The following KCNIP4 variants were observed in gnomAD, a reference collection of about 807,000 sequenced individuals.
KCNIP4 encodes Kv channel-interacting protein 4.
In KCNIP4, 12 loss-of-function variants were observed where a neutral mutation model predicts 34.0. The ratio of observed to expected loss-of-function variants is 0.35; its 90% CI spans 0.23 to 0.57. The LOEUF (loss-of-function observed/expected upper bound fraction) is 0.57. Among genes scored for constraint, KCNIP4 ranks in the 20% least tolerant of loss-of-function variants. The probability of loss-of-function intolerance (pLI) is 0.83; values close to 1 mark genes in which losing one functional copy is unlikely to be tolerated. For missense variants in KCNIP4, 238 were observed against 311.7 expected (o/e 0.76, Z 1.78); for synonymous variants, 124 against 102.2 (o/e 1.21, Z -1.29).
At chr4:21,524,490 T>C (rs1381293596) in intron 1 of KCNIP4, among the ~76,000 whole-genome samples, 2 of 152,188 alleles carry the variant, frequency 1.3e-5, no homozygotes, top group African/African-American at 2.4e-5. Context: ...ACTATGACTT[T>C]TTTTTCTTAT....
chr4:20,743,084 T>C (rs1236993250), intron 5 of KCNIP4, among the ~76,000 whole-genome samples: 1 of 141,384 alleles, frequency 7.1e-6, no homozygotes, highest in African/African-American at 2.7e-5. Context: ...CACCCTTATG[T>C]GAACTACGAA....
chr4:21,629,506 G>A (rs1472527032), intron 1 of KCNIP4, among the ~76,000 whole-genome samples: 1 of 152,144 alleles, frequency 6.6e-6, no homozygotes. Flanking sequence ...TTCACTGCTA[G>A]TGTTCTTAGA....
intron 1 of KCNIP4, among the ~76,000 whole-genome samples, chr4:21,414,230 G>A (rs1474813151): frequency 6.6e-6 from 1 of 152,166 alleles, no homozygotes; most frequent in Non-Finnish European, 1.5e-5. Flanking sequence ...CAATGAGATG[G>A]TGACAACTAA....
chr4:21,821,749 G>A (rs928240769), intron 1 of KCNIP4, among the ~76,000 whole-genome samples: 4 of 152,162 alleles, frequency 2.6e-5, no homozygotes, highest in Admixed American at 6.6e-5. Context: ...GAATGAATGA[G>A]TACAGTTGTC....
chr4:20,859,993 T>C (rs1203299700), intron 2 of KCNIP4, among the ~76,000 whole-genome samples: 1 of 152,226 alleles, frequency 6.6e-6, no homozygotes, highest in African/African-American at 2.4e-5. Context: ...TGTTCTTTTA[T>C]TTAGGTCCTG....
intron 4 of KCNIP4, among the ~76,000 whole-genome samples, chr4:20,755,269 G>A (rs1400146520): frequency 6.6e-6 from 1 of 152,124 alleles, no homozygotes; most frequent in African/African-American, 2.4e-5. Context: ...GTTTTGACAT[G>A]TTAGGCACAA....
chr4:21,556,191 G>T (rs148321072), intron 1 of KCNIP4, among the ~76,000 whole-genome samples: 9 of 152,068 alleles, frequency 5.9e-5, no homozygotes, highest in Non-Finnish European at 1.2e-4. Flanking sequence ...ATTGGCTTTC[G>T]AGTTGGAAGA....
At chr4:21,694,923 A>T (rs918011410) in intron 1 of KCNIP4, among the ~76,000 whole-genome samples, 33 of 93,542 alleles carry the variant, frequency 3.5e-4, no homozygotes, top group African/African-American at 8.3e-4. Flanking sequence ...CCAAAAAAAA[A>T]AAAAAAATAA....
chr4:21,645,100 C>T (rs1272317767), intron 1 of KCNIP4, among the ~76,000 whole-genome samples: 2 of 152,082 alleles, frequency 1.3e-5, no homozygotes, highest in Non-Finnish European at 2.9e-5. Context: ...TTATTAAGTA[C>T]TTGAGTGTGT....
intron 1 of KCNIP4, among the ~76,000 whole-genome samples, chr4:21,911,906 T>C (rs923747754): frequency 6.6e-6 from 1 of 152,118 alleles, no homozygotes; most frequent in Admixed American, 6.6e-5. Flanking sequence ...TCCCTTTACA[T>C]CTGAAGATAC....
At chr4:21,140,996 T>C (rs1214863335) in intron 1 of KCNIP4, among the ~76,000 whole-genome samples, 1 of 152,180 alleles carries the variant, frequency 6.6e-6, no homozygotes, top group Non-Finnish European at 1.5e-5. Flanking sequence ...AGGCATAACT[T>C]GGAGATGCTG....
At chr4:21,476,618 G>T (rs1465199772) in intron 1 of KCNIP4, among the ~76,000 whole-genome samples, 1 of 152,096 alleles carries the variant, frequency 6.6e-6, no homozygotes, top group Non-Finnish European at 1.5e-5. Flanking sequence ...CTAGCCTGTG[G>T]TATTTCTTTA....
chr4:21,414,972 T>A (rs556625793), intron 1 of KCNIP4, among the ~76,000 whole-genome samples: 1 of 152,078 alleles, frequency 6.6e-6, no homozygotes, highest in South Asian at 2.1e-4. Context: ...AATTGTACTG[T>A]CTCAGTTGTT....
intron 2 of KCNIP4, among the ~76,000 whole-genome samples, chr4:20,857,398 T>A (rs1721714987): frequency 6.6e-6 from 1 of 152,162 alleles, no homozygotes. Context: ...GCCCTTGTTG[T>A]ATGCCAGGAG....
intron 1 of KCNIP4, among the ~76,000 whole-genome samples, chr4:21,205,240 G>A (rs1320770908): frequency 1.6e-4 from 24 of 152,094 alleles, no homozygotes; most frequent in Admixed American, 1.6e-3. Context: ...CTAAGTTTGG[G>A]CATGAATATG....
intron 3 of KCNIP4, among the ~76,000 whole-genome samples, chr4:20,805,638 T>C (rs1291776194): frequency 6.6e-6 from 1 of 152,164 alleles, no homozygotes; most frequent in Non-Finnish European, 1.5e-5. Flanking sequence ...TTTCCTTCAG[T>C]TTCTTTCCCA....
intron 5 of KCNIP4, among the ~76,000 whole-genome samples, chr4:20,745,061 A>G (rs962762405): frequency 6.6e-6 from 1 of 152,170 alleles, no homozygotes; most frequent in Non-Finnish European, 1.5e-5. Flanking sequence ...GAATGGTAGG[A>G]CAGAGATGTG....
intron 1 of KCNIP4, among the ~76,000 whole-genome samples, chr4:21,889,043 T>A (rs1206191425): frequency 6.6e-6 from 1 of 152,150 alleles, no homozygotes; most frequent in African/African-American, 2.4e-5. Context: ...TAATGGCATG[T>A]CATATTTTTA....
intron 1 of KCNIP4, among the ~76,000 whole-genome samples, chr4:21,604,912 C>T (rs550896935): frequency 6.6e-6 from 1 of 152,310 alleles, no homozygotes; most frequent in African/African-American, 2.4e-5. Context: ...GGTCAGATTA[C>T]TTCGCTTTAG....
Sources: gnomAD v4.1 joint callset for allele counts (sites outside exome capture counted in the v4.1 genomes callset) on GRCh38, gnomAD v4.1.1 for gene constraint, MANE v1.5 for transcripts, NCBI Gene and HGNC (gene_info 2026-07-23, HGNC 2026-07-21) for gene names.